Variants in ADTRP observed in about 807,000 individuals in gnomAD.
ADTRP encodes the protein androgen dependent TFPI regulating protein, also known as androgen-dependent TFPI-regulating protein.
ADTRP carries 20 observed loss-of-function variants against 27.0 expected under a neutral mutation model. The observed-to-expected ratio is 0.74, with a 90% CI of 0.52 to 1.08. The LOEUF is 1.08. ADTRP is among the 50% of genes least tolerant of loss of function. The pLI, the probability that ADTRP is intolerant of heterozygous loss-of-function variation, is 0.00. For missense variants in ADTRP, 251 were observed against 275.0 expected (o/e 0.91, Z 0.62); for synonymous variants, 101 against 105.2 (o/e 0.96, Z 0.25).
intron 1 of ADTRP, among the ~76,000 whole-genome samples, chr6:11,768,600 A>G (rs1444510143): frequency 6.6e-6 from 1 of 152,184 alleles, no homozygotes; most frequent in African/African-American, 2.4e-5. Context: ...TTTAGGGGAC[A>G]ATAATGTGTA....
chr6:11,737,407 G>A (rs1452651259), intron 3 of ADTRP, among the ~76,000 whole-genome samples: 4 of 152,134 alleles, frequency 2.6e-5, no homozygotes, highest in Non-Finnish European at 4.4e-5. Context: ...ATGTCATTGC[G>A]TTCCCATGCC....
At chr6:11,750,011 A>G (rs1360785158) in intron 3 of ADTRP, among the ~76,000 whole-genome samples, 2 of 152,116 alleles carry the variant, frequency 1.3e-5, no homozygotes, top group South Asian at 2.1e-4. Context: ...CCACATCTTT[A>G]CTTTCATCTT....
At chr6:11,770,071 G>A in intron 1 of ADTRP, 3 of 1,551,464 alleles carry the variant, frequency 1.9e-6, no homozygotes, top group Non-Finnish European at 2.6e-6. Context: ...AAACCCAGCA[G>A]TCCTGTTCTT....
intron 4 of ADTRP, among the ~76,000 whole-genome samples, chr6:11,729,001 TG>T (rs1762302878): frequency 6.6e-6 from 1 of 152,212 alleles, no homozygotes; most frequent in Non-Finnish European, 1.5e-5. Flanking sequence ...TGAGTTGGAC[TG>T]GGTGGGCACC....
intron 4 of ADTRP, among the ~76,000 whole-genome samples, chr6:11,724,017 G>A (rs210904): frequency 0.48 from 73,080 of 151,978 alleles, 18,994 homozygotes; most frequent in Non-Finnish European, 0.59. Flanking sequence ...CCAAGATCAC[G>A]CCACTGCACT....
At chr6:11,773,370 C>A (rs1763848873) in intron 1 of ADTRP, among the ~76,000 whole-genome samples, 1 of 152,168 alleles carries the variant, frequency 6.6e-6, no homozygotes, top group South Asian at 2.1e-4. Flanking sequence ...CGCTCTCAGA[C>A]ATCTATGAGA....
chr6:11,732,204 G>A (rs1581323247), intron 4 of ADTRP, among the ~76,000 whole-genome samples: 1 of 152,172 alleles, frequency 6.6e-6, no homozygotes, highest in East Asian at 1.9e-4. Context: ...CGGTCCCCAC[G>A]GTCTCAGGAA....
intron 3 of ADTRP, among the ~76,000 whole-genome samples, chr6:11,751,986 G>A (rs1280160588): frequency 6.6e-6 from 1 of 152,160 alleles, no homozygotes; most frequent in African/African-American, 2.4e-5. Context: ...TTCTGTCTAA[G>A]GTTTCTGTCG....
chr6:11,758,265 C>G (rs764524609), intron 3 of ADTRP, among the ~76,000 whole-genome samples: 1 of 152,042 alleles, frequency 6.6e-6, no homozygotes, highest in Non-Finnish European at 1.5e-5. Flanking sequence ...CAAATGGTGC[C>G]CACTCTGTGC....
chr6:11,776,589 C>T (rs1201804391), intron 1 of ADTRP, among the ~76,000 whole-genome samples: 2 of 152,138 alleles, frequency 1.3e-5, no homozygotes, highest in Admixed American at 6.5e-5. Context: ...AGTTGGTCAG[C>T]AAGGATTTGG....
chr6:11,756,058 T>C (rs572221723), intron 3 of ADTRP, among the ~76,000 whole-genome samples: 1 of 152,310 alleles, frequency 6.6e-6, no homozygotes, highest in South Asian at 2.1e-4. Flanking sequence ...GTCTAGAATA[T>C]GGCAAGAGCA....
Position 11,729,444 on chromosome 6 carries a change from C to T in ADTRP, c.507-5944G>A, listed in dbSNP as rs185174357. On this transcript the variant is annotated intron_variant, in intron 4 of 5. Transcript: ENST00000414691. Reference sequence around the variant, plus strand: ...GGCCCATGGTTTTCTAACTTCCTGCCCTTCTACTACCTGGTAATTCCTTGC... The same window carrying T: ...GGCCCATGGTTTTCTAACTTCCTGCTCTTCTACTACCTGGTAATTCCTTGC... Among the ~76,000 whole-genome samples, 25 of 152,242 alleles carry T rather than the reference C, an allele frequency of 1.6e-4. No individual in the cohort carries two copies. The East Asian group carries it at 4.6e-3, about 28-fold the overall frequency.
intron 5 of ADTRP, among the ~76,000 whole-genome samples, chr6:11,714,843 A>G (rs1761761974): frequency 6.6e-6 from 1 of 152,184 alleles, no homozygotes; most frequent in African/African-American, 2.4e-5. Context: ...ATCCATCAGC[A>G]AACTTTGAGA....
At chr6:11,716,006 C>T (rs1761812932) in intron 5 of ADTRP, among the ~76,000 whole-genome samples, 1 of 151,808 alleles carries the variant, frequency 6.6e-6, no homozygotes, top group Admixed American at 6.6e-5. Context: ...TTCTCTCCTC[C>T]CTAGTTAGGG....
chr6:11,715,800 G>A (rs1183957434), intron 5 of ADTRP, among the ~76,000 whole-genome samples: 1 of 124,728 alleles, frequency 8.0e-6, no homozygotes, highest in Non-Finnish European at 1.6e-5. Flanking sequence ...ACACCACCAT[G>A]CCCAGCTTTT....
At chr6:11,764,205 G>T (rs1296009857) in intron 3 of ADTRP, among the ~76,000 whole-genome samples, 1 of 152,224 alleles carries the variant, frequency 6.6e-6, no homozygotes, top group Non-Finnish European at 1.5e-5. Context: ...CGGATGTGAT[G>T]TATGTTATCC....
intron 4 of ADTRP, among the ~76,000 whole-genome samples, chr6:11,724,411 G>A (rs1444733816): frequency 1.3e-5 from 2 of 152,166 alleles, no homozygotes; most frequent in Admixed American, 1.3e-4. Flanking sequence ...GTAATGCATG[G>A]ATTTGCAGGG....
chr6:11,747,650 G>A (rs1762910613), intron 3 of ADTRP, among the ~76,000 whole-genome samples: 1 of 152,090 alleles, frequency 6.6e-6, no homozygotes, highest in Non-Finnish European at 1.5e-5. Context: ...CTTTTCATAT[G>A]CACAACAAAT....
Position 11,748,375 on chromosome 6 carries a change from C to T in ADTRP, c.391-12692G>A, listed in dbSNP as rs536711202. Among the ~76,000 whole-genome samples the T allele has an allele frequency of 1.4e-3, 217 of 152,180 alleles. 1 individual carries two copies. Among genetic ancestry groups the T allele is most frequent in the Non-Finnish European group, 2.5e-3 (171 of 68,030 alleles). On this transcript the variant is annotated intron_variant, in intron 3 of 5. Coordinates refer to ENST00000414691, the MANE Select transcript of ADTRP (RefSeq NM_032744.4). ...ACTCCACCCCAAAGGAAGAAGAACT[C>T]TGGGGTCAGTCAAGGTCATAGAGAA...
Sources: gnomAD v4.1 joint callset for allele counts (sites outside exome capture counted in the v4.1 genomes callset) on GRCh38, gnomAD v4.1.1 for gene constraint, MANE v1.5 for transcripts, NCBI Gene and HGNC (gene_info 2026-07-23, HGNC 2026-07-21) for gene names.